The following AFG2A variants were observed in gnomAD, a reference collection of about 807,000 sequenced individuals.
The protein encoded by AFG2A is ATPase family gene 2 protein homolog A.
At chr4:123,082,569 G>T in the AFG2A span, among the ~76,000 whole-genome samples, 2 of 142,250 alleles carry the variant, frequency 1.4e-5, no homozygotes, top group African/African-American at 5.2e-5. Flanking sequence ...GATTACTGTC[G>T]CTTTATAGGA....
the AFG2A span, among the ~76,000 whole-genome samples, chr4:123,022,429 A>G: frequency 6.6e-6 from 1 of 152,040 alleles, no homozygotes; most frequent in Non-Finnish European, 1.5e-5. Context: ...AAGACACATG[A>G]AAAAATGGTC....
chr4:123,117,061 C>T, the AFG2A span, among the ~76,000 whole-genome samples: 2 of 152,026 alleles, frequency 1.3e-5, no homozygotes, highest in African/African-American at 4.8e-5. Context: ...ATTTAATGTC[C>T]AAGCCTCAGT....
the AFG2A span, among the ~76,000 whole-genome samples, chr4:122,940,751 T>A: frequency 9.3e-4 from 142 of 151,948 alleles, no homozygotes; most frequent in African/African-American, 3.2e-3. Context: ...TCTTCTAGGG[T>A]TTTTATGGTT....
At chr4:123,013,360 G>C in the AFG2A span, among the ~76,000 whole-genome samples, 1 of 152,146 alleles carries the variant, frequency 6.6e-6, no homozygotes, top group African/African-American at 2.4e-5. Context: ...CTGACAATTG[G>C]TAACCTTTTT....
the AFG2A span, among the ~76,000 whole-genome samples, chr4:123,226,678 T>G: frequency 2.6e-5 from 4 of 152,140 alleles, no homozygotes; most frequent in Admixed American, 6.5e-5. Flanking sequence ...TCTCTTTTTT[T>G]GTTGTGTCTC....
chr4:123,298,843 A>T, the AFG2A span, among the ~76,000 whole-genome samples: 1 of 152,216 alleles, frequency 6.6e-6, no homozygotes, highest in Non-Finnish European at 1.5e-5. Flanking sequence ...GGGGGGTTTA[A>T]ATTCCACAAA....
the AFG2A span, among the ~76,000 whole-genome samples, chr4:123,205,107 G>T: frequency 6.6e-6 from 1 of 152,050 alleles, no homozygotes. Flanking sequence ...ATATGTCAGG[G>T]TATTCTCTTC....
the AFG2A span, among the ~76,000 whole-genome samples, chr4:123,029,395 A>G: frequency 6.6e-6 from 1 of 152,198 alleles, no homozygotes; most frequent in Non-Finnish European, 1.5e-5. Flanking sequence ...CTGTCTTAGA[A>G]CATTGAAATC....
the AFG2A span, among the ~76,000 whole-genome samples, chr4:122,998,879 A>G: frequency 2.6e-5 from 4 of 152,336 alleles, no homozygotes; most frequent in Middle Eastern, 3.4e-3. Flanking sequence ...TCCCTGAGGA[A>G]TTGCCACACT....
the AFG2A span, among the ~76,000 whole-genome samples, chr4:123,280,828 C>T: frequency 3.9e-5 from 6 of 152,032 alleles, no homozygotes; most frequent in South Asian, 4.2e-4. Context: ...AACATATTCA[C>T]GGTTCCAGGG....
At chr4:122,944,182 T>G in the AFG2A span, among the ~76,000 whole-genome samples, 1 of 152,220 alleles carries the variant, frequency 6.6e-6, no homozygotes, top group Non-Finnish European at 1.5e-5. Context: ...AATGTTGGCC[T>G]GCCTCGCTAG....
chr4:123,278,169 A>G, the AFG2A span, among the ~76,000 whole-genome samples: 4 of 151,914 alleles, frequency 2.6e-5, no homozygotes, highest in African/African-American at 7.3e-5. Context: ...CAGGGATTCA[A>G]TTTCTTAGGT....
At chr4:123,053,987 C>T in the AFG2A span, among the ~76,000 whole-genome samples, 94 of 152,278 alleles carry the variant, frequency 6.2e-4, no homozygotes, top group African/African-American at 2.1e-3. Context: ...GCTGGGACCT[C>T]AGCTAGGGAG....
the AFG2A span, among the ~76,000 whole-genome samples, chr4:123,275,050 T>C: frequency 6.6e-6 from 1 of 152,186 alleles, no homozygotes; most frequent in Admixed American, 6.5e-5. Context: ...CTTAATTTCC[T>C]CTGCAGTGCT....
chr4:123,129,852 G>C, the AFG2A span, among the ~76,000 whole-genome samples: 2 of 151,908 alleles, frequency 1.3e-5, no homozygotes, highest in South Asian at 4.2e-4. Context: ...AGTTCAACAT[G>C]TTTTTAAATT....
the AFG2A span, among the ~76,000 whole-genome samples, chr4:123,080,271 C>A: frequency 6.6e-6 from 1 of 152,218 alleles, no homozygotes. Flanking sequence ...CTAGCGCTCT[C>A]TCAAGTTTGT....
chr4:123,241,880 C>G, the AFG2A span, among the ~76,000 whole-genome samples: 8 of 152,296 alleles, frequency 5.3e-5, no homozygotes, highest in Admixed American at 4.6e-4. Flanking sequence ...TATTTAAAAA[C>G]CCCATCGTCT....
the AFG2A span, among the ~76,000 whole-genome samples, chr4:123,023,882 C>T: frequency 2.6e-5 from 4 of 152,050 alleles, no homozygotes; most frequent in Middle Eastern, 3.4e-3. Flanking sequence ...TAGTCTCATC[C>T]GCCAGCGATT....
the AFG2A span, among the ~76,000 whole-genome samples, chr4:123,001,789 G>A: frequency 2.0e-5 from 3 of 152,086 alleles, no homozygotes; most frequent in African/African-American, 7.2e-5. Context: ...TGTTGATTTG[G>A]GGTGGAGAGT....
Sources: gnomAD v4.1 joint callset for allele counts (sites outside exome capture counted in the v4.1 genomes callset) on GRCh38, gnomAD v4.1.1 for gene constraint, MANE v1.5 for transcripts, NCBI Gene and HGNC (gene_info 2026-07-23, HGNC 2026-07-21) for gene names.